Variants in NUDT21 observed in about 807,000 individuals in gnomAD.
NUDT21 encodes the protein cleavage and polyadenylation specificity factor subunit 5.
In NUDT21, 5 loss-of-function variants were observed where a neutral mutation model predicts 29.8. That is an observed-to-expected ratio of 0.17 (90% CI 0.09 to 0.35). The LOEUF (loss-of-function observed/expected upper bound fraction) is 0.35, where lower values mean the gene tolerates loss of function less well. Ranked by LOEUF, NUDT21 falls within the 10% of genes least tolerant of loss-of-function variation. The probability of loss-of-function intolerance (pLI) is 1.00; values close to 1 mark genes in which losing one functional copy is unlikely to be tolerated. For missense variants in NUDT21, 76 were observed against 276.0 expected (o/e 0.28, Z 5.13); for synonymous variants, 113 against 98.5 (o/e 1.15, Z -0.87).
chr16:56,447,725 C>T (rs1402449730), intron 2 of NUDT21, 64 bp downstream of exon 2: 3 of 1,434,370 alleles, frequency 2.1e-6, no homozygotes, highest in Non-Finnish European at 2.0e-6. Flanking sequence ...AATTGTATTC[C>T]AGAGCTGCAT....
At chr16:56,446,845 G>C in intron 2 of NUDT21, 156 bp from the exon 3 acceptor site, 1 of 519,350 alleles carries the variant, frequency 1.9e-6, no homozygotes, top group Non-Finnish European at 3.4e-6. Context: ...GAATATGCTT[G>C]AATTCATGTC....
rs1477998744 is a variant in NUDT21, at chr16:56,429,421, T to C, written c.*3291A>G. The C allele has an allele frequency of 1.3e-5, 2 of 152,230 alleles. No homozygotes were observed. Among genetic ancestry groups the C allele is most frequent in the Admixed American group, 6.5e-5 (1 of 15,282 alleles). 9.4% of individuals were successfully genotyped at this position (152,230 alleles called of 1,614,324 possible). ...TCCCAACTTATCTCTATTTTTACGA[T>C]ATGATCCATTACTAAGATACAAAAT... On this transcript the variant is annotated 3_prime_UTR_variant, in exon 7 of 7. Coordinates refer to ENST00000300291, the MANE Select transcript of NUDT21 (RefSeq NM_007006.3).
intron 4 of NUDT21, among the ~76,000 whole-genome samples, chr16:56,438,636 G>A (rs1457433694): frequency 6.6e-6 from 1 of 152,082 alleles, no homozygotes; most frequent in African/African-American, 2.4e-5. Context: ...GACAAGCCTT[G>A]TTACCCCTCC....
Position 56,429,247 on chromosome 16 carries a change from T to C in NUDT21, c.*3465A>G, listed in dbSNP as rs148998268. On this transcript the variant is annotated 3_prime_UTR_variant, in exon 7 of 7. Transcript: ENST00000300291. ...ATATAACCAAAACTTGTTTCTTTTA[T>C]ACATTTGCCATAAACGTAATACCAG... is the stretch of plus-strand genomic sequence containing the variant. 6.6e-6 allele frequency: 1 copy of C among 152,370 alleles called. No individual in the cohort carries two copies. Among genetic ancestry groups the C allele is most frequent in the East Asian group, 1.9e-4 (1 of 5,194 alleles). The allele number at this position is 152,370 out of a possible 1,614,324, so 9.4% of individuals were successfully genotyped here. A position where few individuals can be genotyped will look rare whatever the true frequency, so the allele number is the denominator to read the frequency against.
intron 1 of NUDT21, among the ~76,000 whole-genome samples, chr16:56,450,540 A>C (rs1341808023): frequency 6.6e-6 from 1 of 152,220 alleles, no homozygotes; most frequent in African/African-American, 2.4e-5. Flanking sequence ...GGGGCAGGGC[A>C]GACAGCCCTG....
chr16:56,450,067 T>C (rs1471513085), intron 1 of NUDT21, among the ~76,000 whole-genome samples: 1 of 152,180 alleles, frequency 6.6e-6, no homozygotes, highest in Non-Finnish European at 1.5e-5. Context: ...GGGGAGACAA[T>C]GTCCGTTTAT....
At chr16:56,446,360 T>C in intron 3 of NUDT21, 1 of 315,622 alleles carries the variant, frequency 3.2e-6, no homozygotes, top group Non-Finnish European at 5.8e-6. Context: ...TTAGCGCATG[T>C]AAAGCACTCA....
At chr16:56,436,746 T>A (rs1217952531) in intron 4 of NUDT21, among the ~76,000 whole-genome samples, 1 of 152,248 alleles carries the variant, frequency 6.6e-6, no homozygotes, top group South Asian at 2.1e-4. Flanking sequence ...TTAAGTTGAC[T>A]GTACTTTATA....
At chr16:56,432,961 A>G (rs1268763883) in intron 6 of NUDT21, among the ~76,000 whole-genome samples, 3 of 152,206 alleles carry the variant, frequency 2.0e-5, no homozygotes, top group Admixed American at 1.3e-4. Flanking sequence ...ATAATAAAAA[A>G]AATTAAGACT....
intron 4 of NUDT21, 112 bp downstream of exon 4, chr16:56,439,536 AATTAAGGAG>A (rs2143938169): frequency 2.7e-6 from 2 of 744,708 alleles, no homozygotes; most frequent in Admixed American, 4.4e-5. Flanking sequence ...TTGTAATTTA[AATTAAGGAG>A]GGAAGAAAAG....
chr16:56,447,706 G>C, intron 2 of NUDT21, 83 bp downstream of exon 2: 1 of 1,226,276 alleles, frequency 8.2e-7, no homozygotes, highest in Non-Finnish European at 1.2e-6. Flanking sequence ...ATGAATGACC[G>C]AGGGCTAAAA....
intron 3 of NUDT21, among the ~76,000 whole-genome samples, chr16:56,441,351 C>T (rs1962157219): frequency 6.6e-6 from 1 of 152,208 alleles, no homozygotes; most frequent in South Asian, 2.1e-4. Flanking sequence ...ACTCCCCTGC[C>T]TCAGCCTCCC....
intron 3 of NUDT21, among the ~76,000 whole-genome samples, chr16:56,443,904 C>T (rs745943392): frequency 2.8e-4 from 43 of 152,304 alleles, no homozygotes; most frequent in African/African-American, 9.6e-4. Context: ...ATTAAACAGA[C>T]GAAGACAGCT....
intron 1 of NUDT21, 33 bp downstream of exon 1, chr16:56,451,054 G>C (rs1447975651): frequency 6.3e-7 from 1 of 1,584,386 alleles, no homozygotes; most frequent in Non-Finnish European, 8.7e-7. Context: ...GCTTTCACGA[G>C]AGAAATGCCC....
chr16:56,439,935 C>T (rs1476439075), intron 3 of NUDT21, among the ~76,000 whole-genome samples, 189 bp from the exon 4 acceptor site: 1 of 152,180 alleles, frequency 6.6e-6, no homozygotes, highest in Non-Finnish European at 1.5e-5. Context: ...TAGTTCAAAA[C>T]TGGCAAGCTA....
At chr16:56,450,457 C>A (rs1962279718) in intron 1 of NUDT21, among the ~76,000 whole-genome samples, 1 of 152,132 alleles carries the variant, frequency 6.6e-6, no homozygotes, top group African/African-American at 2.4e-5. Flanking sequence ...ATCCTTACTC[C>A]CAAGGAGGGG....
chr16:56,450,380 G>A (rs1203163725), intron 1 of NUDT21, among the ~76,000 whole-genome samples: 1 of 152,160 alleles, frequency 6.6e-6, no homozygotes. Context: ...ATAAAACACA[G>A]CCCACAATGG....
At chr16:56,450,788 G>C (rs1962295416) in intron 1 of NUDT21, among the ~76,000 whole-genome samples, 1 of 152,214 alleles carries the variant, frequency 6.6e-6, no homozygotes, top group Non-Finnish European at 1.5e-5. Flanking sequence ...CACACATTTT[G>C]AAGTCGGTTA....
chr16:56,435,777 A>ATATATATC (rs1962097000), intron 4 of NUDT21, among the ~76,000 whole-genome samples: 1 of 108,340 alleles, frequency 9.2e-6, no homozygotes, highest in Non-Finnish European at 1.9e-5. Flanking sequence ...ATATATATAT[A>ATATATATC]TATATATGAT....
Sources: gnomAD v4.1 joint callset for allele counts (sites outside exome capture counted in the v4.1 genomes callset) on GRCh38, gnomAD v4.1.1 for gene constraint, MANE v1.5 for transcripts, NCBI Gene and HGNC (gene_info 2026-07-23, HGNC 2026-07-21) for gene names.